NCALD: variants seen among roughly 807,000 people sequenced by gnomAD.
NCALD encodes neurocalcin delta.
A neutral mutation model predicts 18.6 loss-of-function variants in NCALD; 10 were observed. That is an observed-to-expected ratio of 0.54 (90% confidence interval 0.33 to 0.91). NCALD has a LOEUF of 0.91. NCALD is among the 40% of genes least tolerant of loss of function. NCALD has a pLI of 0.03. For missense variants in NCALD, 184 were observed against 247.6 expected, an observed-to-expected ratio of 0.74 and a Z score of 1.72; for synonymous variants, 88 against 87.4, an observed-to-expected ratio of 1.01 and a Z score of -0.04.
intron 1 of NCALD, among the ~76,000 whole-genome samples, chr8:102,088,782 T>C (rs1176683448): frequency 6.6e-6 from 1 of 152,224 alleles, no homozygotes; most frequent in Non-Finnish European, 1.5e-5. Context: ...TCTCCAGGAA[T>C]TAAAAATAGA....
chr8:102,072,537 T>C (rs113242462), intron 1 of NCALD, among the ~76,000 whole-genome samples: 80 of 152,218 alleles, frequency 5.3e-4, no homozygotes, highest in African/African-American at 1.7e-3. Context: ...GAAGGGCAGC[T>C]CTTTGGGCCC....
intron 3 of NCALD, chr8:101,691,331 T>C: frequency 5.1e-6 from 5 of 985,430 alleles, no homozygotes; most frequent in Non-Finnish European, 6.0e-6. Context: ...CACAGGTCTT[T>C]AGCAGTAAGT....
Position 101,689,119 on chromosome 8 carries a change from G to A in NCALD, c.*190C>T, listed in dbSNP as rs765862536. On this transcript the variant is annotated 3_prime_UTR_variant, in exon 4 of 4. Transcript: ENST00000220931. This position sits in a 1 kb window ranked among gnomAD's most constrained non-coding sequence, Gnocchi z 4.4. ...GTCCATGCTCTCCACAAGCACACTG[G>A]GGCTCTGGGCATTCCCACGAAGCAT... 78 of 705,818 alleles carry A rather than the reference G, an allele frequency of 1.1e-4. No individual in the cohort carries two copies. The highest frequency in any genetic ancestry group is 3.1e-5 in the Non-Finnish European group (12 of 387,048). The allele number at this position is 705,818 out of a possible 1,614,324, so 43.7% of individuals were successfully genotyped here. A position where few individuals can be genotyped will look rare whatever the true frequency, so the allele number is the denominator to read the frequency against.
At chr8:101,963,975 T>C (rs1819930524) in intron 2 of NCALD, among the ~76,000 whole-genome samples, 1 of 152,228 alleles carries the variant, frequency 6.6e-6, no homozygotes, top group Non-Finnish European at 1.5e-5. Flanking sequence ...TGGAACTTCA[T>C]GTCCTTCCAA....
chr8:101,981,518 C>G (rs1344173670), intron 2 of NCALD, among the ~76,000 whole-genome samples: 1 of 152,208 alleles, frequency 6.6e-6, no homozygotes, highest in Non-Finnish European at 1.5e-5. Flanking sequence ...AAACCAGCTG[C>G]TTATGAAAGG....
intron 1 of NCALD, among the ~76,000 whole-genome samples, chr8:102,114,343 T>A (rs10111205): frequency 6.6e-6 from 1 of 152,054 alleles, no homozygotes; most frequent in African/African-American, 2.4e-5. Context: ...GTGGCCAAAC[T>A]CTGTCCAAGG....
chr8:102,099,894 C>T (rs1045083039), intron 1 of NCALD, among the ~76,000 whole-genome samples: 5 of 151,678 alleles, frequency 3.3e-5, no homozygotes, highest in East Asian at 3.9e-4. Flanking sequence ...ATCACTTGAA[C>T]CCGGGAGACA....
chr8:102,076,283 G>C (rs1824346310), intron 1 of NCALD, among the ~76,000 whole-genome samples: 2 of 152,156 alleles, frequency 1.3e-5, no homozygotes, highest in Non-Finnish European at 2.9e-5. Context: ...TCTGCTAAGA[G>C]AACACAGGTG....
intron 2 of NCALD, among the ~76,000 whole-genome samples, chr8:101,715,911 G>A (rs751194399): frequency 2.6e-5 from 4 of 152,146 alleles, no homozygotes; most frequent in Non-Finnish European, 5.9e-5. Flanking sequence ...ACAGTGTGGC[G>A]ATTCCTCAAG....
intron 1 of NCALD, among the ~76,000 whole-genome samples, chr8:102,059,551 T>C (rs1314422108): frequency 1.3e-5 from 2 of 152,202 alleles, no homozygotes; most frequent in Non-Finnish European, 2.9e-5. Context: ...AATCAGGCTA[T>C]AAACATGTAA....
At chr8:101,917,257 T>C (rs1818003074) in intron 2 of NCALD, among the ~76,000 whole-genome samples, 1 of 151,970 alleles carries the variant, frequency 6.6e-6, no homozygotes, top group Non-Finnish European at 1.5e-5. Flanking sequence ...CAGTAAACAA[T>C]AAAATTAGGG....
intron 1 of NCALD, among the ~76,000 whole-genome samples, chr8:102,065,968 C>T (rs1463631564): frequency 6.6e-6 from 1 of 152,146 alleles, no homozygotes; most frequent in East Asian, 1.9e-4. Context: ...ATATGGCTCT[C>T]AATTATTCAT....
intron 1 of NCALD, among the ~76,000 whole-genome samples, chr8:102,116,115 G>T (rs566458311): frequency 1.3e-5 from 2 of 151,922 alleles, no homozygotes; most frequent in Admixed American, 1.3e-4. Context: ...TCGTAGGGTG[G>T]GGGGAGGCGG....
chr8:101,843,969 C>T (rs887844477), intron 4 of NCALD, among the ~76,000 whole-genome samples: 2 of 152,226 alleles, frequency 1.3e-5, no homozygotes, highest in African/African-American at 4.8e-5. Flanking sequence ...CACCCACATG[C>T]ATACTCCTCA....
At chr8:101,942,071 A>G (rs1414058740) in intron 2 of NCALD, among the ~76,000 whole-genome samples, 1 of 152,218 alleles carries the variant, frequency 6.6e-6, no homozygotes, top group Non-Finnish European at 1.5e-5. Flanking sequence ...CACTTTATTT[A>G]AAGTGAAGTG....
chr8:102,017,451 C>G (rs920412079), intron 2 of NCALD, among the ~76,000 whole-genome samples: 1 of 152,130 alleles, frequency 6.6e-6, no homozygotes, highest in Non-Finnish European at 1.5e-5. Flanking sequence ...CGGTGGCTCA[C>G]GCCTATAATA....
intron 4 of NCALD, among the ~76,000 whole-genome samples, chr8:101,864,500 C>T (rs182317063): frequency 1.1e-4 from 17 of 151,462 alleles, no homozygotes; most frequent in South Asian, 1.0e-3. Context: ...TTTAAGGTAA[C>T]AACAAAACAA....
At chr8:102,022,327 T>C (rs1043128315) in intron 1 of NCALD, among the ~76,000 whole-genome samples, 3 of 152,202 alleles carry the variant, frequency 2.0e-5, no homozygotes, top group Admixed American at 1.3e-4. Context: ...CAGTAAAGCA[T>C]TAAGCTTTGC....
intron 2 of NCALD, among the ~76,000 whole-genome samples, chr8:102,016,814 CA>C (rs1425939384): frequency 6.6e-6 from 1 of 152,024 alleles, no homozygotes; most frequent in Non-Finnish European, 1.5e-5. Flanking sequence ...ACAAGACACT[CA>C]AAAAAGCAAA....
Sources: gnomAD v4.1 joint callset for allele counts (sites outside exome capture counted in the v4.1 genomes callset) on GRCh38, gnomAD v4.1.1 for gene constraint, Gnocchi (gnomAD v3.1) non-coding constraint, MANE v1.5 for transcripts, NCBI Gene and HGNC (gene_info 2026-07-23, HGNC 2026-07-21) for gene names.